The following PDE1C variants were observed in gnomAD, a reference collection of about 807,000 sequenced individuals.
PDE1C encodes the protein dual specificity calcium/calmodulin-dependent 3',5'-cyclic nucleotide phosphodiesterase 1C.
A neutral mutation model predicts 93.1 loss-of-function variants in PDE1C; 62 were observed. The ratio of observed to expected loss-of-function variants is 0.67; its 90% CI spans 0.54 to 0.82. The LOEUF is 0.82. Among genes scored for constraint, PDE1C ranks in the 40% least tolerant of loss-of-function variants. The pLI, the probability that PDE1C is intolerant of heterozygous loss-of-function variation, is 0.00. For missense variants in PDE1C, 742 were observed against 884.6 expected (o/e 0.84, Z 2.04); for synonymous variants, 325 against 310.1 (o/e 1.05, Z -0.50).
At chr7:31,964,398 G>A (rs1043810912) in intron 2 of PDE1C, among the ~76,000 whole-genome samples, 2 of 152,234 alleles carry the variant, frequency 1.3e-5, no homozygotes, top group Non-Finnish European at 2.9e-5. Context: ...AGGCAGCAGT[G>A]AGGCTGGGGG....
intron 3 of PDE1C, among the ~76,000 whole-genome samples, chr7:32,113,229 G>T (rs1798773230): frequency 1.6e-5 from 1 of 61,662 alleles, no homozygotes; most frequent in Admixed American, 1.7e-4. Context: ...TAAATATATT[G>T]TCCTTAAATA....
At chr7:31,955,189 G>A (rs1041122801) in intron 2 of PDE1C, among the ~76,000 whole-genome samples, 4 of 152,156 alleles carry the variant, frequency 2.6e-5, no homozygotes, top group Non-Finnish European at 5.9e-5. Context: ...ATGTAGGGCT[G>A]TTTATCTTGA....
chr7:32,064,713 ATG>A (rs1795180703), intron 1 of PDE1C, among the ~76,000 whole-genome samples: 1 of 152,218 alleles, frequency 6.6e-6, no homozygotes, highest in Non-Finnish European at 1.5e-5. Context: ...TCTAGAAGAT[ATG>A]AAAGAACACC....
intron 1 of PDE1C, among the ~76,000 whole-genome samples, chr7:32,381,046 C>T (rs1784525202): frequency 6.6e-6 from 1 of 151,942 alleles, no homozygotes; most frequent in Non-Finnish European, 1.5e-5. Context: ...GCCTTCCTCT[C>T]CCCCAGTCTT....
Position 32,245,506 on chromosome 7 carries a change from G to A in PDE1C, c.86-35967C>T, listed in dbSNP as rs565618404. Among the ~76,000 whole-genome samples the A allele has an allele frequency of 5.9e-5, 9 of 151,902 alleles. No individual in the cohort carries two copies. The South Asian group carries it at 8.3e-4, about 14-fold the overall frequency. ...CAATCCTCGTTCTGCTTCCCCTTTCGCCACCTTCCCCTCCTCTACTATCCT... is the reference window on the plus strand; with the variant it reads ...CAATCCTCGTTCTGCTTCCCCTTTCACCACCTTCCCCTCCTCTACTATCCT... On this transcript the variant is annotated intron_variant, in intron 1 of 18. Coordinates refer to the PDE1C transcript ENST00000396193.
At chr7:32,105,726 G>A (rs183850095) in intron 3 of PDE1C, among the ~76,000 whole-genome samples, 75 of 143,376 alleles carry the variant, frequency 5.2e-4, no homozygotes, top group Admixed American at 1.1e-3. Flanking sequence ...TTGTATTTGC[G>A]TGTTGCCCAG....
chr7:31,718,354 T>C, the PDE1C span, among the ~76,000 whole-genome samples: 168 of 151,862 alleles, frequency 1.1e-3, 5 homozygotes, highest in South Asian at 0.03. Flanking sequence ...GGATAGCAGA[T>C]TGAGAACACT....
chr7:31,778,044 C>A (rs981646130), intron 16 of PDE1C, among the ~76,000 whole-genome samples: 2 of 152,114 alleles, frequency 1.3e-5, no homozygotes, highest in African/African-American at 4.8e-5. Context: ...GGGAATGGAG[C>A]CAGCAATTTG....
At chr7:31,887,839 A>G (rs1008420363) in intron 2 of PDE1C, among the ~76,000 whole-genome samples, 6 of 152,260 alleles carry the variant, frequency 3.9e-5, no homozygotes, top group Non-Finnish European at 8.8e-5. Flanking sequence ...ATGGAAATTT[A>G]GAAATAGATT....
chr7:31,819,137 C>A (rs1788641179), intron 14 of PDE1C, among the ~76,000 whole-genome samples: 1 of 152,230 alleles, frequency 6.6e-6, no homozygotes, highest in Non-Finnish European at 1.5e-5. Context: ...CTACAGCAAT[C>A]ATGTTCCAGC....
chr7:32,040,489 C>A (rs900051844), intron 2 of PDE1C, among the ~76,000 whole-genome samples: 1 of 152,136 alleles, frequency 6.6e-6, no homozygotes, highest in Non-Finnish European at 1.5e-5. Context: ...CAAATACCCT[C>A]GTAGGGCCAA....
At chr7:31,843,935 A>C (rs1019661692) in intron 9 of PDE1C, among the ~76,000 whole-genome samples, 1 of 151,784 alleles carries the variant, frequency 6.6e-6, no homozygotes, top group Non-Finnish European at 1.5e-5. Flanking sequence ...TACAACATAC[A>C]TCTTTAATTT....
intron 17 of PDE1C, among the ~76,000 whole-genome samples, chr7:31,762,958 G>C (rs1583969522): frequency 6.6e-6 from 1 of 152,144 alleles, no homozygotes; most frequent in African/African-American, 2.4e-5. Flanking sequence ...CCCACTGGTG[G>C]TTCTCAATCC....
chr7:32,053,431 T>C (rs1793647386), intron 1 of PDE1C, among the ~76,000 whole-genome samples: 2 of 152,206 alleles, frequency 1.3e-5, no homozygotes, highest in South Asian at 4.1e-4. Context: ...CCATGGAGCA[T>C]AGTGAGCTGT....
chr7:32,114,308 A>T (rs1384303706), intron 3 of PDE1C, among the ~76,000 whole-genome samples: 1 of 152,198 alleles, frequency 6.6e-6, no homozygotes, highest in Non-Finnish European at 1.5e-5. Context: ...AGGCCTCAGA[A>T]ATAACACCAC....
intron 2 of PDE1C, among the ~76,000 whole-genome samples, chr7:32,024,220 A>G (rs1341706783): frequency 1.3e-5 from 2 of 151,948 alleles, no homozygotes; most frequent in African/African-American, 4.8e-5. Flanking sequence ...AACAGGGAGG[A>G]AGGTGTATAA....
intron 1 of PDE1C, among the ~76,000 whole-genome samples, chr7:32,338,230 T>C (rs1206841862): frequency 1.3e-5 from 2 of 152,036 alleles, no homozygotes; most frequent in Non-Finnish European, 2.9e-5. Context: ...CAGTAAGGGG[T>C]TATTATCCAG....
chr7:32,109,344 C>A (rs906875522), intron 3 of PDE1C, among the ~76,000 whole-genome samples: 1 of 152,162 alleles, frequency 6.6e-6, no homozygotes, highest in African/African-American at 2.4e-5. Flanking sequence ...ATGTTTATCA[C>A]TGAGCAAGGG....
intron 2 of PDE1C, among the ~76,000 whole-genome samples, chr7:31,996,767 T>C (rs1259157750): frequency 6.6e-6 from 1 of 152,230 alleles, no homozygotes; most frequent in Non-Finnish European, 1.5e-5. Flanking sequence ...AAAAATGTTA[T>C]AGTGATTTTA....
Sources: gnomAD v4.1 joint callset for allele counts (sites outside exome capture counted in the v4.1 genomes callset) on GRCh38, gnomAD v4.1.1 for gene constraint, MANE v1.5 for transcripts, NCBI Gene and HGNC (gene_info 2026-07-23, HGNC 2026-07-21) for gene names.